The following ADGRB3 variants were observed in gnomAD, a reference collection of about 807,000 sequenced individuals.
ADGRB3 encodes adhesion G protein-coupled receptor B3.
Under a neutral mutation model 193.4 loss-of-function variants are expected in ADGRB3, and 37 were observed. That is an observed-to-expected ratio of 0.19 (90% CI 0.15 to 0.25). The LOEUF is 0.25. ADGRB3 is among the 10% of genes least tolerant of loss of function. The pLI is 1.00. For missense variants in ADGRB3, 1,637 were observed against 1,852.9 expected (o/e 0.88, Z 2.14); for synonymous variants, 690 against 644.2 (o/e 1.07, Z -1.08).
chr6:68,897,691 CAGAAAGAAGA>C (rs1562076665), intron 3 of ADGRB3, among the ~76,000 whole-genome samples: 8 of 59,362 alleles, frequency 1.3e-4, no homozygotes, highest in African/African-American at 2.4e-4. Flanking sequence ...GAAAGAGAAA[CAGAAAGAAGA>C]AAGAAGGAAG....
At chr6:69,209,228 A>T (rs569909305) in intron 17 of ADGRB3, among the ~76,000 whole-genome samples, 1 of 152,290 alleles carries the variant, frequency 6.6e-6, no homozygotes, top group East Asian at 1.9e-4. Context: ...CTTTCAGGTC[A>T]CTTGCTAAAT....
chr6:68,817,213 C>G (rs1219459314), intron 3 of ADGRB3, among the ~76,000 whole-genome samples: 1 of 148,792 alleles, frequency 6.7e-6, no homozygotes, highest in Non-Finnish European at 1.5e-5. Flanking sequence ...AACTCTGTAT[C>G]CTGCTTGACA....
At chr6:68,685,821 G>C (rs890386894) in intron 3 of ADGRB3, among the ~76,000 whole-genome samples, 1 of 152,024 alleles carries the variant, frequency 6.6e-6, no homozygotes. Flanking sequence ...AAATCTGGAG[G>C]GGCGGAGGTT....
intron 3 of ADGRB3, among the ~76,000 whole-genome samples, chr6:68,922,344 A>G (rs1399943433): frequency 1.3e-5 from 2 of 152,220 alleles, no homozygotes; most frequent in Non-Finnish European, 2.9e-5. Context: ...TACAGCATAG[A>G]TGTACTTTTT....
chr6:69,258,896 A>G (rs909266894), intron 20 of ADGRB3, among the ~76,000 whole-genome samples: 1 of 152,186 alleles, frequency 6.6e-6, no homozygotes, highest in South Asian at 2.1e-4. Flanking sequence ...CTCGTTAGTT[A>G]AGAACCCCTG....
At chr6:69,266,324 A>C (rs867687743) in intron 20 of ADGRB3, among the ~76,000 whole-genome samples, 3 of 152,000 alleles carry the variant, frequency 2.0e-5, no homozygotes, top group Non-Finnish European at 4.4e-5. Context: ...TCTTTAGTTC[A>C]AAGGAACCTA....
At chr6:68,644,758 G>T (rs1180227697) in intron 3 of ADGRB3, among the ~76,000 whole-genome samples, 3 of 152,102 alleles carry the variant, frequency 2.0e-5, no homozygotes, top group Admixed American at 1.3e-4. Context: ...ATTAAAGAAA[G>T]AAAACTCCAT....
chr6:69,083,925 C>T (rs1772472433), intron 17 of ADGRB3, among the ~76,000 whole-genome samples: 2 of 152,158 alleles, frequency 1.3e-5, no homozygotes, highest in South Asian at 2.1e-4. Flanking sequence ...CAGGTACATG[C>T]CACGACACCC....
chr6:68,985,223 G>A (rs138593871), intron 10 of ADGRB3, among the ~76,000 whole-genome samples: 60 of 152,244 alleles, frequency 3.9e-4, no homozygotes, highest in South Asian at 1.4e-3. Context: ...AGAAGTGTCC[G>A]CAGCACCTGA....
chr6:68,813,726 G>A (rs998252637), intron 3 of ADGRB3, among the ~76,000 whole-genome samples: 3 of 151,912 alleles, frequency 2.0e-5, no homozygotes, highest in Non-Finnish European at 4.4e-5. Flanking sequence ...CCCACAACAG[G>A]CCCCGGTGTG....
At chr6:69,315,563 G>T (rs1256211362) in intron 20 of ADGRB3, among the ~76,000 whole-genome samples, 2 of 151,348 alleles carry the variant, frequency 1.3e-5, no homozygotes, top group Non-Finnish European at 1.5e-5. Flanking sequence ...GTGGTCTTCT[G>T]AATAATGTAA....
intron 28 of ADGRB3, among the ~76,000 whole-genome samples, chr6:69,359,582 T>C (rs1769408583): frequency 6.6e-6 from 1 of 151,934 alleles, no homozygotes; most frequent in African/African-American, 2.4e-5. Flanking sequence ...TTTAAAGTCT[T>C]GTTTCTATGT....
chr6:69,137,078 A>ATTTTTTTTTTTG (rs1193270145), intron 17 of ADGRB3, among the ~76,000 whole-genome samples: 3 of 121,444 alleles, frequency 2.5e-5, no homozygotes, highest in African/African-American at 6.2e-5. Context: ...TTTTTTTTTA[A>ATTTTTTTTTTTG]TGGTAAGATC....
intron 10 of ADGRB3, among the ~76,000 whole-genome samples, chr6:68,976,540 A>G (rs773343879): frequency 6.6e-6 from 1 of 152,204 alleles, no homozygotes; most frequent in Non-Finnish European, 1.5e-5. Flanking sequence ...GTTCTTGACC[A>G]GTAAGGAAGG....
At chr6:68,834,643 A>C (rs1026879304) in intron 3 of ADGRB3, among the ~76,000 whole-genome samples, 4 of 152,246 alleles carry the variant, frequency 2.6e-5, no homozygotes, top group Admixed American at 2.6e-4. Context: ...TTTCAACTCG[A>C]TATTTCTCCA....
chr6:68,920,150 C>A (rs1412604736), intron 3 of ADGRB3, among the ~76,000 whole-genome samples: 2 of 152,026 alleles, frequency 1.3e-5, no homozygotes, highest in African/African-American at 4.8e-5. Context: ...ACACAGAGTA[C>A]CAAGTAAACG....
chr6:69,315,581 G>T (rs549836435), intron 20 of ADGRB3, among the ~76,000 whole-genome samples: 1 of 151,464 alleles, frequency 6.6e-6, no homozygotes, highest in East Asian at 1.9e-4. Flanking sequence ...TAAATATGCA[G>T]TTATTAGTGC....
At chr6:68,655,058 A>G (rs568502660) in intron 3 of ADGRB3, among the ~76,000 whole-genome samples, 2 of 151,366 alleles carry the variant, frequency 1.3e-5, no homozygotes, top group Middle Eastern at 3.4e-3. Flanking sequence ...TAACAGTCTC[A>G]CATTCTCTTT....
intron 20 of ADGRB3, among the ~76,000 whole-genome samples, chr6:69,315,488 A>C (rs567229267): frequency 6.6e-6 from 1 of 151,572 alleles, no homozygotes; most frequent in Non-Finnish European, 1.5e-5. Context: ...CCTTTGTGCA[A>C]ATCCCTGTTT....
Sources: gnomAD v4.1 joint callset for allele counts (sites outside exome capture counted in the v4.1 genomes callset) on GRCh38, gnomAD v4.1.1 for gene constraint, MANE v1.5 for transcripts, NCBI Gene and HGNC (gene_info 2026-07-23, HGNC 2026-07-21) for gene names.